The following GLCE variants were observed in gnomAD, a reference collection of about 807,000 sequenced individuals.
GLCE encodes D-glucuronyl C5-epimerase.
In GLCE, 19 loss-of-function variants were observed where a neutral mutation model predicts 47.9. The ratio of observed to expected loss-of-function variants is 0.40; its 90% CI spans 0.28 to 0.58. GLCE has a LOEUF of 0.58. Ranked by LOEUF, GLCE falls within the 20% of genes least tolerant of loss-of-function variation. GLCE has a pLI of 0.48. For missense variants in GLCE, 556 were observed against 743.3 expected (o/e 0.75, Z 2.93); for synonymous variants, 245 against 263.4 (o/e 0.93, Z 0.68).
chr15:69,260,496 G>A (rs942075872), intron 3 of GLCE, among the ~76,000 whole-genome samples: 1 of 152,086 alleles, frequency 6.6e-6, no homozygotes, highest in East Asian at 1.9e-4. Context: ...CTGAGCTCAG[G>A]CAGTCCACCC....
intron 1 of GLCE, among the ~76,000 whole-genome samples, chr15:69,203,270 A>G (rs1202425411): frequency 6.6e-6 from 1 of 152,084 alleles, no homozygotes; most frequent in East Asian, 1.9e-4. Flanking sequence ...TGATTCTTTG[A>G]AAAAGATGGG....
In GLCE at chr15:69,268,400, T is replaced by C. The variant is rs2053116181; in HGVS notation, c.1010T>C (p.Ile337Thr). Residue 337 changes from isoleucine (I) to threonine (T), a missense_variant, in exon 5 of 5, where the codon ATA (isoleucine) becomes ACA (threonine). Coordinates refer to ENST00000261858, the MANE Select transcript of GLCE (RefSeq NM_015554.3). ...CTAATTGCTTTTAAAGAAAGAGATA[T>C]ATACTATGGCATTGGGCCCAGAACT... ...AQLIAFKERD[I>T]YYGIGPRTSW... 1.9e-6 allele frequency: 3 copies of C among 1,614,002 alleles called. No homozygotes were observed. Among genetic ancestry groups the C allele is most frequent in the South Asian group, 2.2e-5 (2 of 91,078 alleles).
In GLCE at chr15:69,230,805, A is replaced by G. The variant is rs537008980; in HGVS notation, c.-14+20399A>G. Among the ~76,000 whole-genome samples, 3 of 152,304 alleles carry G rather than the reference A, an allele frequency of 2.0e-5. No homozygotes were observed. In the Middle Eastern group the frequency reaches 0.01, roughly 518 times the overall value. ...TAGTTGCTTATAACAACACAGATTTATTTTACAGTTCTGGAGATCAGAAGT... is the reference window on the plus strand; with the variant it reads ...TAGTTGCTTATAACAACACAGATTTGTTTTACAGTTCTGGAGATCAGAAGT... On this transcript the variant is annotated intron_variant, in intron 2 of 4. Transcript: ENST00000261858.
intron 1 of GLCE, among the ~76,000 whole-genome samples, chr15:69,175,018 T>G (rs1023807280): frequency 6.6e-6 from 1 of 152,150 alleles, no homozygotes; most frequent in Admixed American, 6.5e-5. Context: ...TGAAGACTCT[T>G]TTACTGAGGC....
intron 2 of GLCE, among the ~76,000 whole-genome samples, chr15:69,224,034 A>C (rs2052412639): frequency 6.6e-6 from 1 of 152,182 alleles, no homozygotes; most frequent in Non-Finnish European, 1.5e-5. Context: ...GAGCTATGGT[A>C]GATTTGCCAT....
chr15:69,221,429 T>C (rs2052375727), intron 2 of GLCE, among the ~76,000 whole-genome samples: 1 of 152,232 alleles, frequency 6.6e-6, no homozygotes, highest in Non-Finnish European at 1.5e-5. Flanking sequence ...AGCAGTGTTT[T>C]GTAATTTTCA....
chr15:69,170,806 A>G (rs1410353151), intron 1 of GLCE, among the ~76,000 whole-genome samples: 1 of 152,212 alleles, frequency 6.6e-6, no homozygotes, highest in Non-Finnish European at 1.5e-5. Flanking sequence ...GCTCCTTATT[A>G]TTGAATCAGT....
chr15:69,185,638 G>A (rs1034397734), intron 1 of GLCE, among the ~76,000 whole-genome samples: 9 of 151,848 alleles, frequency 5.9e-5, no homozygotes, highest in African/African-American at 1.7e-4. Flanking sequence ...CTCTCAAACC[G>A]TGTTTTTTTC....
intron 2 of GLCE, among the ~76,000 whole-genome samples, chr15:69,211,235 G>A (rs1384970761): frequency 6.6e-6 from 1 of 151,938 alleles, no homozygotes; most frequent in Non-Finnish European, 1.5e-5. Flanking sequence ...ATTTTGCTTA[G>A]ATTTTCAAAA....
chr15:69,226,926 G>A (rs73434993), intron 2 of GLCE, among the ~76,000 whole-genome samples: 7,180 of 151,562 alleles, frequency 0.047, 573 homozygotes, highest in African/African-American at 0.16. Context: ...TGTGCTTTTA[G>A]TAGAGATAGG....
intron 1 of GLCE, chr15:69,196,394 GTTTAT>G (rs1348456231): frequency 9.9e-5 from 5 of 50,354 alleles, no homozygotes; most frequent in Admixed American, 2.9e-4. Flanking sequence ...ATTACTTGCT[GTTTAT>G]TTTATATTTA....
chr15:69,161,343 G>A (rs2051416847), intron 1 of GLCE, among the ~76,000 whole-genome samples: 1 of 152,024 alleles, frequency 6.6e-6, no homozygotes, highest in Admixed American at 6.5e-5. Context: ...GGTGTCTCCG[G>A]GTGAGAGAGC....
At chr15:69,263,875 C>A (rs2053047773) in intron 4 of GLCE, among the ~76,000 whole-genome samples, 1 of 151,630 alleles carries the variant, frequency 6.6e-6, no homozygotes, top group African/African-American at 2.4e-5. Context: ...GCTTTTTTTC[C>A]CAGCTTTATT....
At chr15:69,222,873 G>A (rs2052396474) in intron 2 of GLCE, among the ~76,000 whole-genome samples, 1 of 152,056 alleles carries the variant, frequency 6.6e-6, no homozygotes. Flanking sequence ...ATTTTCTATA[G>A]CTACTTTCTT....
chr15:69,190,083 T>A (rs1365796874), intron 1 of GLCE, among the ~76,000 whole-genome samples: 1 of 149,856 alleles, frequency 6.7e-6, no homozygotes, highest in Non-Finnish European at 1.5e-5. Flanking sequence ...AGTTTCCAGA[T>A]GTTTGGAGAT....
intron 2 of GLCE, among the ~76,000 whole-genome samples, chr15:69,214,305 C>T (rs2052274314): frequency 6.6e-6 from 1 of 151,986 alleles, no homozygotes; most frequent in Non-Finnish European, 1.5e-5. Flanking sequence ...TCCCATAATC[C>T]CCACATGTTG....
At chr15:69,194,133 T>G (rs548408649) in intron 1 of GLCE, among the ~76,000 whole-genome samples, 20 of 152,288 alleles carry the variant, frequency 1.3e-4, no homozygotes, top group African/African-American at 4.8e-4. Context: ...TTCCTCTCCC[T>G]ACCTAGGCCA....
At chr15:69,177,489 A>G (rs1028232733) in intron 1 of GLCE, among the ~76,000 whole-genome samples, 25 of 152,354 alleles carry the variant, frequency 1.6e-4, no homozygotes, top group African/African-American at 5.8e-4. Context: ...ACTGAAGTAT[A>G]ACTGGCATAT....
chr15:69,245,111 T>G (rs1390994931), intron 2 of GLCE, among the ~76,000 whole-genome samples: 4 of 152,050 alleles, frequency 2.6e-5, no homozygotes, highest in Non-Finnish European at 5.9e-5. Context: ...GTGGGGAGGA[T>G]CACTTGAGGT....
Sources: gnomAD v4.1 joint callset for allele counts (sites outside exome capture counted in the v4.1 genomes callset) on GRCh38, gnomAD v4.1.1 for gene constraint, MANE v1.5 for transcripts, NCBI Gene and HGNC (gene_info 2026-07-23, HGNC 2026-07-21) for gene names.